PDE1C: variants seen among roughly 807,000 people sequenced by gnomAD.
PDE1C encodes the protein phosphodiesterase 1C.
A neutral mutation model predicts 93.1 loss-of-function variants in PDE1C; 62 were observed. That is an observed-to-expected ratio of 0.67 (90% confidence interval 0.54 to 0.82). The LOEUF is 0.82. PDE1C is among the 40% of genes least tolerant of loss of function. The pLI is 0.00. For synonymous variants in PDE1C, 325 were observed against 310.1 expected (o/e 1.05, Z -0.50); for missense variants, 742 against 884.6 (o/e 0.84, Z 2.04).
intron 16 of PDE1C, among the ~76,000 whole-genome samples, chr7:31,779,483 G>T (rs1369548319): frequency 6.6e-6 from 1 of 152,112 alleles, no homozygotes; most frequent in Non-Finnish European, 1.5e-5. Flanking sequence ...TGTCTTCTTT[G>T]CAAACACTGA....
chr7:32,325,632 C>G (rs1783390646), intron 1 of PDE1C, among the ~76,000 whole-genome samples: 1 of 152,178 alleles, frequency 6.6e-6, no homozygotes, highest in African/African-American at 2.4e-5. Context: ...GTATATGTAG[C>G]CTAAGCACCT....
At chr7:31,717,318 G>A in the PDE1C span, among the ~76,000 whole-genome samples, 8 of 152,258 alleles carry the variant, frequency 5.3e-5, no homozygotes, top group Non-Finnish European at 1.0e-4. Flanking sequence ...ACAGAACAAC[G>A]GTAATTTTTC....
intron 1 of PDE1C, among the ~76,000 whole-genome samples, chr7:32,230,212 G>C (rs4268027): frequency 0.99 from 150,289 of 152,266 alleles, 74,207 homozygotes; most frequent in Middle Eastern, 1. Flanking sequence ...CCCATGGAGC[G>C]TCTGAAAACC....
At chr7:31,997,470 C>A (rs532560418) in intron 2 of PDE1C, among the ~76,000 whole-genome samples, 6 of 152,126 alleles carry the variant, frequency 3.9e-5, no homozygotes, top group African/African-American at 1.4e-4. Context: ...CCACAGAAAG[C>A]GTAGATACTA....
At chr7:32,379,951 C>T (rs73093926) in intron 1 of PDE1C, among the ~76,000 whole-genome samples, 3,910 of 152,306 alleles carry the variant, frequency 0.026, 73 homozygotes, top group South Asian at 0.05. Context: ...AGGCCATTCC[C>T]TGCCCAGGGT....
At chr7:32,160,253 A>G (rs1366502531) in intron 3 of PDE1C, among the ~76,000 whole-genome samples, 1 of 152,184 alleles carries the variant, frequency 6.6e-6, no homozygotes, top group Non-Finnish European at 1.5e-5. Flanking sequence ...AAAAAAAAGT[A>G]TCATCCAAAT....
intron 1 of PDE1C, among the ~76,000 whole-genome samples, chr7:32,375,520 A>G (rs1414197545): frequency 6.6e-6 from 1 of 152,248 alleles, no homozygotes; most frequent in African/African-American, 2.4e-5. Flanking sequence ...GTGGTGGTAT[A>G]TCAACAACAA....
chr7:31,678,079 C>G, the PDE1C span, among the ~76,000 whole-genome samples: 5 of 152,096 alleles, frequency 3.3e-5, no homozygotes, highest in East Asian at 1.9e-4. Flanking sequence ...AAAAAATGTT[C>G]TAACGCTCTA....
intron 3 of PDE1C, chr7:32,077,816 G>T: frequency 1.0e-6 from 1 of 959,242 alleles, no homozygotes; most frequent in Non-Finnish European, 1.2e-6. Flanking sequence ...GGATCCACCT[G>T]CCTCGGCCTC....
At chr7:32,046,212 T>A (rs201742001) in intron 2 of PDE1C, among the ~76,000 whole-genome samples, 5,865 of 151,360 alleles carry the variant, frequency 0.039, 133 homozygotes, top group Middle Eastern at 0.086. Context: ...TGCCTTTTTT[T>A]TAAAAAAAAA....
At chr7:31,881,577 C>T (rs970705407) in intron 2 of PDE1C, among the ~76,000 whole-genome samples, 2 of 152,066 alleles carry the variant, frequency 1.3e-5, no homozygotes, top group Admixed American at 6.5e-5. Flanking sequence ...GATCAACATG[C>T]GGTAACTGAG....
chr7:32,388,642 C>T (rs895290434), intron 1 of PDE1C, among the ~76,000 whole-genome samples: 14 of 123,576 alleles, frequency 1.1e-4, no homozygotes, highest in Admixed American at 7.4e-4. Flanking sequence ...TGCACCGCTG[C>T]AACTCCAGCC....
intron 1 of PDE1C, among the ~76,000 whole-genome samples, chr7:32,239,528 T>C (rs1165869422): frequency 6.6e-6 from 1 of 152,168 alleles, no homozygotes; most frequent in Non-Finnish European, 1.5e-5. Context: ...AATAATGTAA[T>C]ACTTTTTAAA....
At chr7:31,928,125 C>T (rs185046467) in intron 2 of PDE1C, among the ~76,000 whole-genome samples, 47 of 151,896 alleles carry the variant, frequency 3.1e-4, no homozygotes, top group Non-Finnish European at 6.5e-4. Context: ...AAACACAGCA[C>T]GAGAACTTCA....
At chr7:31,849,264 A>G (rs1793027134) in intron 8 of PDE1C, among the ~76,000 whole-genome samples, 1 of 152,158 alleles carries the variant, frequency 6.6e-6, no homozygotes, top group Non-Finnish European at 1.5e-5. Flanking sequence ...GGCAAGACCC[A>G]CATATGTTCA....
chr7:32,113,246 T>C (rs1439767257), intron 3 of PDE1C, among the ~76,000 whole-genome samples: 1 of 137,446 alleles, frequency 7.3e-6, no homozygotes, highest in Non-Finnish European at 1.5e-5. Flanking sequence ...AATATATATA[T>C]ATATATATAT....
At chr7:31,696,529 C>CGG in the PDE1C span, among the ~76,000 whole-genome samples, 1 of 152,056 alleles carries the variant, frequency 6.6e-6, no homozygotes, top group Non-Finnish European at 1.5e-5. Context: ...AGCAGGAGGG[C>CGG]GGAGGTATCA....
intron 2 of PDE1C, among the ~76,000 whole-genome samples, chr7:32,204,644 A>C (rs1277040025): frequency 6.6e-6 from 1 of 152,200 alleles, no homozygotes; most frequent in Non-Finnish European, 1.5e-5. Context: ...TGAACACTAC[A>C]TGTGGCCTTC....
chr7:31,628,699 G>A, the PDE1C span, among the ~76,000 whole-genome samples: 1 of 151,952 alleles, frequency 6.6e-6, no homozygotes, highest in African/African-American at 2.4e-5. Context: ...CTTGTGATCC[G>A]CCCGCCTCGG....
Sources: gnomAD v4.1 joint callset for allele counts (sites outside exome capture counted in the v4.1 genomes callset) on GRCh38, gnomAD v4.1.1 for gene constraint, MANE v1.5 for transcripts, NCBI Gene and HGNC (gene_info 2026-07-23, HGNC 2026-07-21) for gene names.